The following WWTR1 variants were observed in gnomAD, a reference collection of about 807,000 sequenced individuals.
WWTR1 encodes the protein WW domain containing transcription regulator 1, also known as WW domain-containing transcription regulator protein 1.
Under a neutral mutation model 40.1 loss-of-function variants are expected in WWTR1, and 13 were observed. The observed-to-expected ratio is 0.32, with a 90% CI of 0.21 to 0.52. WWTR1 has a LOEUF of 0.52. WWTR1 is among the 20% of genes least tolerant of loss of function. The pLI, the probability that WWTR1 is intolerant of heterozygous loss-of-function variation, is 0.97. For synonymous variants in WWTR1, 230 were observed against 210.1 expected (o/e 1.09, Z -0.82); for missense variants, 436 against 523.1 (o/e 0.83, Z 1.63).
intron 2 of WWTR1, among the ~76,000 whole-genome samples, 178 bp from the exon 3 acceptor site, chr3:149,573,178 T>G (rs1737725730): frequency 6.6e-6 from 1 of 152,118 alleles, no homozygotes; most frequent in African/African-American, 2.4e-5. Context: ...TGCATCCTGG[T>G]TAGGCCACAC....
Position 149,614,366 on chromosome 3 carries a change from A to G in WWTR1, c.432-41366T>C, listed in dbSNP as rs79706229. Among the ~76,000 whole-genome samples, 1,155 of 152,316 alleles carry G rather than the reference A, an allele frequency of 7.6e-3. 15 individuals carry two copies. Among genetic ancestry groups the G allele is most frequent in the African/African-American group, 0.025 (1,055 of 41,568 alleles). ...CACTGTACCATTGAATACCTACAGT[A>G]TTCAGTACAGTAACATACTGTACAG... On this transcript the variant is annotated intron_variant, in intron 2 of 6. Coordinates refer to ENST00000360632, the MANE Select transcript of WWTR1 (RefSeq NM_015472.6).
In WWTR1 at chr3:149,520,691, C is replaced by T. The variant is rs1024174810; in HGVS notation, c.*114G>A. 55 of 978,666 alleles carry T rather than the reference C, an allele frequency of 5.6e-5. No individual in the cohort carries two copies. The highest frequency in any genetic ancestry group is 5.1e-4 in the African/African-American group (30 of 59,258). The allele number at this position is 978,666 out of a possible 1,614,324, so 60.6% of individuals were successfully genotyped here. ...CTGGCAACATAAAAAGGAGGGAGCA[C>T]GAGTCATGGAGGCGGGAAGTGGTGC... On this transcript the variant is annotated 3_prime_UTR_variant, in exon 7 of 7. Transcript: ENST00000360632.
At chr3:149,715,672 G>A (rs542930130) in intron 5 of WWTR1, among the ~76,000 whole-genome samples, 51 of 152,292 alleles carry the variant, frequency 3.3e-4, no homozygotes, top group African/African-American at 1.2e-3. Context: ...AGAGATTTCC[G>A]GCCAGAAAAG....
intron 4 of WWTR1, among the ~76,000 whole-genome samples, chr3:149,532,683 G>A (rs993705451): frequency 1.3e-5 from 2 of 152,142 alleles, no homozygotes; most frequent in African/African-American, 2.4e-5. Context: ...TCACCAACAT[G>A]TTGCCATCCA....
At chr3:149,657,358 G>A in intron 1 of WWTR1, 49 bp from the exon 2 acceptor site, 1 of 1,541,990 alleles carries the variant, frequency 6.5e-7, no homozygotes, top group South Asian at 1.2e-5. Flanking sequence ...CGGAGGAAGT[G>A]GGTAAGAGGG....
intron 3 of WWTR1, among the ~76,000 whole-genome samples, chr3:149,543,358 G>A (rs1042423026): frequency 6.6e-6 from 1 of 151,992 alleles, no homozygotes; most frequent in African/African-American, 2.4e-5. Flanking sequence ...CAAGGCGAAC[G>A]GATCATGAGG....
At chr3:149,583,959 C>G (rs558738769) in intron 2 of WWTR1, among the ~76,000 whole-genome samples, 1 of 152,166 alleles carries the variant, frequency 6.6e-6, no homozygotes, top group Non-Finnish European at 1.5e-5. Context: ...CATCTAACAT[C>G]TAGGAATCAG....
At chr3:149,630,687 G>T (rs1331617738) in intron 2 of WWTR1, among the ~76,000 whole-genome samples, 2 of 152,192 alleles carry the variant, frequency 1.3e-5, no homozygotes, top group Non-Finnish European at 2.9e-5. Flanking sequence ...GGATCAATAG[G>T]AAGCAGAGTC....
chr3:149,611,945 A>G (rs1400139004), intron 2 of WWTR1, among the ~76,000 whole-genome samples: 1 of 152,220 alleles, frequency 6.6e-6, no homozygotes, highest in Non-Finnish European at 1.5e-5. Flanking sequence ...GCCTAGACTT[A>G]CATTTAATCC....
intron 2 of WWTR1, among the ~76,000 whole-genome samples, chr3:149,599,035 T>G (rs768535378): frequency 1.4e-4 from 21 of 152,242 alleles, no homozygotes; most frequent in Non-Finnish European, 2.5e-4. Flanking sequence ...CAACCAATTT[T>G]TATGACACAC....
At chr3:149,547,535 A>G (rs1736422763) in intron 3 of WWTR1, among the ~76,000 whole-genome samples, 1 of 152,116 alleles carries the variant, frequency 6.6e-6, no homozygotes, top group African/African-American at 2.4e-5. Context: ...TTAAAAAAAA[A>G]GAAAAGAAAA....
Position 149,623,350 on chromosome 3 carries a change from C to T in WWTR1, c.431+33526G>A, listed in dbSNP as rs1406427852. Among the ~76,000 whole-genome samples the T allele has an allele frequency of 2.6e-5, 4 of 151,974 alleles. No individual in the cohort carries two copies. In the East Asian group the frequency reaches 7.7e-4, roughly 29 times the overall value. ...TGCACTCCAGCCTGGGCAACAAGAG[C>T]AAAACTACATCTCAAAAAAAAGAAT... On this transcript the variant is annotated intron_variant, in intron 2 of 6. Coordinates refer to ENST00000360632, the MANE Select transcript of WWTR1 (RefSeq NM_015472.6).
intron 2 of WWTR1, among the ~76,000 whole-genome samples, chr3:149,582,163 C>T (rs1256073299): frequency 6.6e-6 from 1 of 152,000 alleles, no homozygotes; most frequent in Non-Finnish European, 1.5e-5. Flanking sequence ...TTAGAGACAC[C>T]CCGTCATATG....
chr3:149,576,280 A>C (rs939843017), intron 2 of WWTR1: 20 of 351,020 alleles, frequency 5.7e-5, no homozygotes, highest in South Asian at 1.1e-4. Context: ...CTGAAAACTA[A>C]ATTCTCCTAT....
At position 149,684,251 on chromosome 3, in the gene WWTR1, G is replaced by C. The variant is rs190692044; in HGVS notation, c.-107-14360C>G. Among the ~76,000 whole-genome samples, 133 of 152,070 alleles carry C rather than the reference G, an allele frequency of 8.7e-4. 2 individuals carry two copies. The highest frequency in any genetic ancestry group is 3.0e-3 in the African/African-American group (124 of 41,492). On this transcript the variant is annotated intron_variant, in intron 1 of 7. Coordinates refer to the WWTR1 transcript ENST00000465804. ...TGCCCAGGGTGGTCTTGAGTTCCTG[G>C]GTTCAAATGCCCTTCCGCCTCAGCC...
intron 5 of WWTR1, among the ~76,000 whole-genome samples, chr3:149,717,219 C>G (rs942854896): frequency 6.6e-6 from 1 of 152,072 alleles, no homozygotes; most frequent in Non-Finnish European, 1.5e-5. Context: ...CTTTCCCGTT[C>G]GAAAGCAGTT....
In WWTR1 at chr3:149,657,954, C is replaced by T. The variant is rs1713359407; in HGVS notation, c.-193G>A. 3 of 152,922 alleles carry T rather than the reference C, an allele frequency of 2.0e-5. No individual in the cohort carries two copies. Among genetic ancestry groups the T allele is most frequent in the African/African-American group, 7.2e-5 (3 of 41,486 alleles). The allele number at this position is 152,922 out of a possible 1,614,324, so 9.5% of individuals were successfully genotyped here. On this transcript the variant is annotated 5_prime_UTR_variant, in exon 1 of 7. Coordinates refer to ENST00000360632, the MANE Select transcript of WWTR1 (RefSeq NM_015472.6). ...CGGCTCTCACATCCCCCGAGCTGGC[C>T]TAAGGCGCTAGTGCTGGGCGAAAAG... is the stretch of plus-strand genomic sequence containing the variant.
At chr3:149,700,795 T>C (rs1463762732) in intron 1 of WWTR1, among the ~76,000 whole-genome samples, 9 of 152,172 alleles carry the variant, frequency 5.9e-5, no homozygotes, top group Non-Finnish European at 1.0e-4. Flanking sequence ...TGGACACGTA[T>C]GGGCTTCTAA....
At chr3:149,687,999 G>A (rs1042405123) in intron 1 of WWTR1, among the ~76,000 whole-genome samples, 8 of 151,642 alleles carry the variant, frequency 5.3e-5, no homozygotes, top group Non-Finnish European at 1.0e-4. Flanking sequence ...TGGTGGTGGT[G>A]GACATGGGGA....
Sources: gnomAD v4.1 joint callset for allele counts (sites outside exome capture counted in the v4.1 genomes callset) on GRCh38, gnomAD v4.1.1 for gene constraint, MANE v1.5 for transcripts, NCBI Gene and HGNC (gene_info 2026-07-23, HGNC 2026-07-21) for gene names.